Variants in CNTNAP5 observed in about 807,000 individuals in gnomAD.
CNTNAP5 encodes contactin-associated protein-like 5.
A neutral mutation model predicts 150.2 loss-of-function variants in CNTNAP5; 72 were observed. The ratio of observed to expected loss-of-function variants is 0.48; its 90% CI spans 0.40 to 0.58. CNTNAP5 has a LOEUF of 0.58. CNTNAP5 is among the 20% of genes least tolerant of loss of function. CNTNAP5 has a pLI of 0.00. For synonymous variants in CNTNAP5, 672 were observed against 619.8 expected (o/e 1.08, Z -1.25); for missense variants, 1,636 against 1,626.2 (o/e 1.01, Z -0.10).
intron 11 of CNTNAP5, among the ~76,000 whole-genome samples, chr2:124,594,253 G>A (rs1476823531): frequency 1.5e-5 from 2 of 129,230 alleles, no homozygotes; most frequent in Non-Finnish European, 3.3e-5. Context: ...TTTCTTCTAG[G>A]GTTTTTATGG....
intron 19 of CNTNAP5, among the ~76,000 whole-genome samples, chr2:124,801,456 G>A (rs1681963760): frequency 6.6e-6 from 1 of 152,198 alleles, no homozygotes; most frequent in Admixed American, 6.5e-5. Context: ...AGTACCTTGA[G>A]TGGTAGTGAA....
chr2:124,664,728 C>G (rs771459499), intron 13 of CNTNAP5, among the ~76,000 whole-genome samples: 7 of 152,178 alleles, frequency 4.6e-5, no homozygotes, highest in Non-Finnish European at 1.0e-4. Flanking sequence ...CTCTTATCAC[C>G]CAGGCTGGAG....
Position 124,609,859 on chromosome 2 carries a change from C to T in CNTNAP5, c.1815C>T (p.Phe605=). The T allele has an allele frequency of 6.2e-7, 1 of 1,614,014 alleles. No homozygotes were observed. Residue 605 remains phenylalanine, a synonymous_variant, in exon 12 of 24, where the codon TTC becomes TTT. Coordinates refer to ENST00000682447, the MANE Select transcript of CNTNAP5 (RefSeq NM_001367498.1). ...YRHQGNTAGF[F]YIDSDGSGPL... The stretch of plus-strand genomic sequence containing the variant: ...ACCAGGGGAATACAGCCGGCTTCTT[C>T]TACATCGACTCAGATGGCAGCGGCC...
intron 19 of CNTNAP5, among the ~76,000 whole-genome samples, chr2:124,806,251 G>T (rs1356798325): frequency 6.6e-6 from 1 of 152,106 alleles, no homozygotes; most frequent in Non-Finnish European, 1.5e-5. Context: ...AGTAGGAGGA[G>T]AAGTTACATA....
chr2:124,142,850 G>C (rs185704750), intron 1 of CNTNAP5, among the ~76,000 whole-genome samples: 3,797 of 151,110 alleles, frequency 0.025, 212 homozygotes, highest in African/African-American at 0.087. Context: ...ATAAATCCAG[G>C]AGCTGGTTTT....
chr2:124,379,167 G>A (rs771783103), intron 3 of CNTNAP5, among the ~76,000 whole-genome samples: 3 of 150,554 alleles, frequency 2.0e-5, no homozygotes, highest in East Asian at 2.0e-4. Context: ...TGATGAACCT[G>A]CATTGACACA....
chr2:124,096,534 A>G (rs1682937264), intron 1 of CNTNAP5, among the ~76,000 whole-genome samples: 1 of 152,048 alleles, frequency 6.6e-6, no homozygotes, highest in South Asian at 2.1e-4. Flanking sequence ...ACTCCCTCAC[A>G]TGACCTTCAC....
chr2:124,115,792 T>TTTTGTGTG (rs1683414593), intron 1 of CNTNAP5, among the ~76,000 whole-genome samples: 4 of 138,304 alleles, frequency 2.9e-5, no homozygotes, highest in South Asian at 5.0e-4. Flanking sequence ...GCCTGGCTAA[T>TTTTGTGTG]TGTGTGTGTG....
At chr2:124,782,717 T>C (rs11900431) in intron 17 of CNTNAP5, among the ~76,000 whole-genome samples, 2,241 of 152,304 alleles carry the variant, frequency 0.015, 61 homozygotes, top group African/African-American at 0.051. Flanking sequence ...AATTTATTGC[T>C]GGTGGGAGTA....
rs1679868409 is a variant in CNTNAP5 at position 124,713,318 on chromosome 2, C to CCTCTCTTTCTTT, written c.2078-33909_2078-33908insCTCTTTCTTTCT. ...CTTTCTTTCTTCTTTCTCTTTCTTT[C>CCTCTCTTTCTTT]CTTTCTTTCTTTCTTTCTTTCTTTC... is the stretch of plus-strand genomic sequence containing the variant. On this transcript the variant is annotated intron_variant, in intron 13 of 23. Coordinates refer to ENST00000682447, the MANE Select transcript of CNTNAP5 (RefSeq NM_001367498.1). Among the ~76,000 whole-genome samples the CCTCTCTTTCTTT allele has an allele frequency of 4.6e-5, 2 of 43,926 alleles. 1 individual carries two copies. Among genetic ancestry groups the CCTCTCTTTCTTT allele is most frequent in the East Asian group, 1.7e-3 (2 of 1,176 alleles). 28.8% of individuals were successfully genotyped at this position (43,926 alleles called of 152,430 possible). A position where few individuals can be genotyped will look rare whatever the true frequency, so the allele number is the denominator to read the frequency against.
chr2:124,562,353 A>G (rs1214087534), intron 10 of CNTNAP5, among the ~76,000 whole-genome samples: 1 of 152,096 alleles, frequency 6.6e-6, no homozygotes, highest in East Asian at 1.9e-4. Flanking sequence ...TTCTGTTATA[A>G]TCATGTTTGT....
chr2:124,534,043 C>T (rs1361985117), intron 10 of CNTNAP5, among the ~76,000 whole-genome samples: 1 of 152,066 alleles, frequency 6.6e-6, no homozygotes, highest in Non-Finnish European at 1.5e-5. Context: ...ATGAATGGTA[C>T]TTAAGTGAAA....
chr2:124,650,193 G>T (rs940179251), intron 13 of CNTNAP5, among the ~76,000 whole-genome samples: 4 of 152,192 alleles, frequency 2.6e-5, no homozygotes, highest in Non-Finnish European at 4.4e-5. Context: ...AGAACAATGG[G>T]TATGTAGGCT....
At chr2:124,389,731 C>A (rs1351982510) in intron 3 of CNTNAP5, among the ~76,000 whole-genome samples, 1 of 152,132 alleles carries the variant, frequency 6.6e-6, no homozygotes, top group African/African-American at 2.4e-5. Context: ...CTTAGGGAGG[C>A]TTAGTGGGAG....
chr2:124,830,561 A>G (rs986419904), intron 19 of CNTNAP5, among the ~76,000 whole-genome samples: 1 of 152,072 alleles, frequency 6.6e-6, no homozygotes, highest in African/African-American at 2.4e-5. Flanking sequence ...ACTATATAAT[A>G]GAGGAATGTA....
At chr2:124,679,816 C>T (rs1177179141) in intron 13 of CNTNAP5, among the ~76,000 whole-genome samples, 3 of 151,788 alleles carry the variant, frequency 2.0e-5, no homozygotes, top group East Asian at 1.9e-4. Flanking sequence ...CTGCCCACCT[C>T]GGCCTCCCTA....
rs946370096 is a variant in CNTNAP5, at chr2:124,916,507, G to T, written c.*2219G>T. Among the ~76,000 whole-genome samples the T allele has an allele frequency of 1.3e-5, 2 of 152,078 alleles. No homozygotes were observed. The highest frequency in any genetic ancestry group is 3.9e-4 in the East Asian group (2 of 5,172). ...CTGAAGCAGCTCCAATAATGAAATA[G>T]AAAGGCAAAGGAAGGTATGAGTAAT... On this transcript the variant is annotated 3_prime_UTR_variant, in exon 24 of 24. Transcript: ENST00000682447.
intron 3 of CNTNAP5, among the ~76,000 whole-genome samples, chr2:124,305,044 T>C (rs1257297679): frequency 6.8e-6 from 1 of 147,812 alleles, no homozygotes; most frequent in Non-Finnish European, 1.5e-5. Flanking sequence ...GGCAGGTGAG[T>C]TGCTTGAGCT....
intron 1 of CNTNAP5, among the ~76,000 whole-genome samples, chr2:124,029,228 A>T (rs1680975905): frequency 6.6e-6 from 1 of 152,100 alleles, no homozygotes; most frequent in Admixed American, 6.5e-5. Context: ...AAGCTCTTCA[A>T]ATAAGGAGAT....
Sources: gnomAD v4.1 joint callset for allele counts (sites outside exome capture counted in the v4.1 genomes callset) on GRCh38, gnomAD v4.1.1 for gene constraint, MANE v1.5 for transcripts, NCBI Gene and HGNC (gene_info 2026-07-23, HGNC 2026-07-21) for gene names.